TENM1: variants seen among roughly 807,000 people sequenced by gnomAD.
TENM1 encodes teneurin-1.
A neutral mutation model predicts 174.8 loss-of-function variants in TENM1; 35 were observed. The ratio of observed to expected loss-of-function variants is 0.20; its 90% CI spans 0.15 to 0.27. TENM1 has a LOEUF of 0.27. TENM1 is among the 10% of genes least tolerant of loss of function. TENM1 has a pLI of 1.00. For synonymous variants in TENM1, 781 were observed against 798.7 expected, an observed-to-expected ratio of 0.98 and a Z score of 0.37; for missense variants, 1,633 against 2,130.1, an observed-to-expected ratio of 0.77 and a Z score of 4.59.
intron 14 of TENM1, among the ~76,000 whole-genome samples, chrX:124,547,405 T>G (rs755418518): frequency 8.9e-6 from 1 of 112,304 alleles, no homozygotes; most frequent in South Asian, 3.7e-4. Flanking sequence ...CATATCACTG[T>G]TTAGAAATTT....
intron 3 of TENM1, among the ~76,000 whole-genome samples, chrX:124,815,092 C>G (rs1011230921): frequency 3.6e-5 from 4 of 111,326 alleles, no homozygotes; most frequent in African/African-American, 1.3e-4. Context: ...TGACTGTTCC[C>G]TCATTATTTC....
intron 3 of TENM1, among the ~76,000 whole-genome samples, chrX:124,816,590 A>C (rs1203567441): frequency 2.7e-5 from 3 of 111,740 alleles, no homozygotes; most frequent in Non-Finnish European, 5.7e-5. Flanking sequence ...CTTAAACAGA[A>C]CAAGGAGATG....
chrX:124,967,190 T>C (rs1057260986), upstream of TENM1, among the ~76,000 whole-genome samples: 3 of 111,584 alleles, frequency 2.7e-5, no homozygotes, highest in Non-Finnish European at 5.7e-5. Flanking sequence ...TTTTAATCTC[T>C]TTCTTCTTAG....
At chrX:124,585,151 C>T (rs1376596540) in intron 11 of TENM1, among the ~76,000 whole-genome samples, 1 of 110,868 alleles carries the variant, frequency 9.0e-6, no homozygotes, top group Non-Finnish European at 1.9e-5. Flanking sequence ...AACAAGCATA[C>T]CCAGGAATTG....
the TENM1 span, among the ~76,000 whole-genome samples, chrX:125,060,688 C>T: frequency 9.1e-6 from 1 of 110,412 alleles, no homozygotes; most frequent in Non-Finnish European, 1.9e-5. Flanking sequence ...CTCAGCTCTG[C>T]TTTGTGGTTC....
At chrX:125,099,817 C>T in the TENM1 span, among the ~76,000 whole-genome samples, 1 of 112,167 alleles carries the variant, frequency 8.9e-6, no homozygotes, top group Non-Finnish European at 1.9e-5. Flanking sequence ...CTGAGAATGG[C>T]AGAACCCTGG....
chrX:124,684,379 T>C (rs2052309633), intron 5 of TENM1, among the ~76,000 whole-genome samples: 1 of 112,666 alleles, frequency 8.9e-6, no homozygotes, highest in Admixed American at 9.3e-5. Flanking sequence ...CCTGCAATAC[T>C]ACTCTCCCAG....
the TENM1 span, among the ~76,000 whole-genome samples, chrX:125,196,996 T>C: frequency 3.6e-5 from 4 of 111,362 alleles, no homozygotes; most frequent in Admixed American, 3.8e-4. Flanking sequence ...TCTGGCACCT[T>C]CTCTTTGACA....
At chrX:125,184,541 T>C in the TENM1 span, among the ~76,000 whole-genome samples, 2 of 111,727 alleles carry the variant, frequency 1.8e-5, no homozygotes, top group African/African-American at 6.5e-5. Context: ...CAAATACGTT[T>C]TAAATTTCTG....
chrX:124,561,100 T>C (rs2048809461), intron 14 of TENM1, among the ~76,000 whole-genome samples: 1 of 112,175 alleles, frequency 8.9e-6, no homozygotes, highest in Non-Finnish European at 1.9e-5. Flanking sequence ...AAAGTGCTAC[T>C]AAAAGGTAGA....
At chrX:124,654,607 G>A (rs1453328642) in intron 6 of TENM1, among the ~76,000 whole-genome samples, 2 of 111,718 alleles carry the variant, frequency 1.8e-5, no homozygotes, top group African/African-American at 6.5e-5. Flanking sequence ...AAACTGTAAA[G>A]CTAAGGTGTA....
exon 32 of TENM1, chrX:124,380,960 A>G: frequency 8.3e-7 from 1 of 1,211,529 alleles, no homozygotes; most frequent in Non-Finnish European, 1.1e-6. Flanking sequence ...GATGAGCACC[A>G]GGTCTTCCTC....
chrX:124,494,164 C>T (rs929712546), intron 20 of TENM1, among the ~76,000 whole-genome samples: 4 of 111,771 alleles, frequency 3.6e-5, no homozygotes, highest in African/African-American at 1.3e-4. Flanking sequence ...ATGAAAATGA[C>T]CCAAGACTTT....
intron 14 of TENM1, among the ~76,000 whole-genome samples, chrX:124,553,650 T>A (rs920298466): frequency 9.2e-6 from 1 of 109,267 alleles, no homozygotes; most frequent in Non-Finnish European, 1.9e-5. Flanking sequence ...AAAAACAAAT[T>A]TTCTTCATCA....
At chrX:124,485,957 T>C (rs888769642) in intron 21 of TENM1, among the ~76,000 whole-genome samples, 1 of 111,973 alleles carries the variant, frequency 8.9e-6, no homozygotes, top group Non-Finnish European at 1.9e-5. Flanking sequence ...CCTTAGAAAA[T>C]AGAATAGCCC....
intron 18 of TENM1, among the ~76,000 whole-genome samples, chrX:124,517,465 T>A (rs6649250): frequency 2.8e-5 from 3 of 108,870 alleles, no homozygotes; most frequent in Non-Finnish European, 5.7e-5. Flanking sequence ...ACATACACCA[T>A]GGAATACTAT....
At chrX:124,537,292 G>T (rs1448756276) in intron 15 of TENM1, among the ~76,000 whole-genome samples, 1 of 111,238 alleles carries the variant, frequency 9.0e-6, no homozygotes, top group Non-Finnish European at 1.9e-5. Context: ...TATATATGTT[G>T]TATAAATAAA....
the TENM1 span, among the ~76,000 whole-genome samples, chrX:125,017,817 A>G: frequency 1.8e-5 from 2 of 111,399 alleles, no homozygotes; most frequent in Admixed American, 9.6e-5. Flanking sequence ...GAAAATGAAC[A>G]ATGAGAACAC....
chrX:124,503,175 C>T (rs946831677), intron 19 of TENM1, among the ~76,000 whole-genome samples: 1 of 111,543 alleles, frequency 9.0e-6, no homozygotes, highest in South Asian at 3.8e-4. Context: ...ACACCAGTGA[C>T]GGGTTTCCCA....
Sources: allele counts gnomAD v4.1 joint callset (sites outside exome capture counted in the v4.1 genomes callset), GRCh38; gene constraint gnomAD v4.1.1; transcripts MANE v1.5; gene names NCBI Gene and HGNC (gene_info 2026-07-23, HGNC 2026-07-21).